Variants in BCKDHA observed in about 807,000 individuals in gnomAD.
BCKDHA encodes branched chain keto acid dehydrogenase E1 subunit alpha.
BCKDHA carries 43 observed loss-of-function variants against 52.2 expected under a neutral mutation model. The ratio of observed to expected loss-of-function variants is 0.82; its 90% CI spans 0.64 to 1.06. BCKDHA has a LOEUF of 1.06. Among genes scored for constraint, BCKDHA ranks in the 50% least tolerant of loss-of-function variants. The probability of loss-of-function intolerance (pLI) is 0.00; values close to 1 mark genes in which losing one functional copy is unlikely to be tolerated. For synonymous variants in BCKDHA, 234 were observed against 247.9 expected, an observed-to-expected ratio of 0.94 and a Z score of 0.53; for missense variants, 527 against 621.3, an observed-to-expected ratio of 0.85 and a Z score of 1.61.
intron 3 of BCKDHA, among the ~76,000 whole-genome samples, chr19:41,411,687 T>G (rs908933160): frequency 2.6e-5 from 4 of 152,146 alleles, no homozygotes; most frequent in Non-Finnish European, 5.9e-5. Context: ...AATAATACTT[T>G]AGTCCCGGCA....
chr19:41,411,123 C>T, intron 3 of BCKDHA, 114 bp downstream of exon 3: 2 of 1,196,558 alleles, frequency 1.7e-6, no homozygotes, highest in Non-Finnish European at 2.4e-6. Flanking sequence ...GGGGGGGTTC[C>T]ATAGAGTTCT....
rs1176841633 is a variant in BCKDHA at position 41,413,914 on chromosome 19, T to C, written c.376-135T>C. The C allele has an allele frequency of 9.1e-6, 7 of 772,482 alleles. No individual in the cohort carries two copies. In the Admixed American group the frequency reaches 9.6e-5, roughly 11 times the overall value. 47.9% of individuals were successfully genotyped at this position (772,482 alleles called of 1,614,324 possible). ...CTTCTTAAAGGCAGGAACCCCAGCA[T>C]GGCCTGGCCCAGGACTGGCCTTCAG... On this transcript the variant is annotated intron_variant, in intron 3 of 8. Transcript: ENST00000269980.
At chr19:41,412,085 G>A (rs2039260071) in intron 3 of BCKDHA, among the ~76,000 whole-genome samples, 1 of 152,138 alleles carries the variant, frequency 6.6e-6, no homozygotes, top group African/African-American at 2.4e-5. Flanking sequence ...ACATGGCCCT[G>A]TGTGATCTCA....
chr19:41,422,447 C>T, intron 6 of BCKDHA, 77 bp downstream of exon 6: 1 of 1,587,468 alleles, frequency 6.3e-7, no homozygotes, highest in South Asian at 1.1e-5. Context: ...CTTCCTGCCA[C>T]CCCTACCCTC....
chr19:41,401,927 G>A (rs545443004), intron 1 of BCKDHA, among the ~76,000 whole-genome samples: 3 of 152,246 alleles, frequency 2.0e-5, no homozygotes, highest in South Asian at 2.1e-4. Flanking sequence ...GTATTAGTCC[G>A]TTTTCAGGCT....
intron 7 of BCKDHA, 107 bp downstream of exon 7, chr19:41,422,877 G>GC: frequency 1.3e-6 from 2 of 1,587,648 alleles, no homozygotes; most frequent in Non-Finnish European, 1.7e-6. Context: ...ACCTGATGTT[G>GC]CATCTCCCCC....
intron 6 of BCKDHA, 121 bp from the exon 7 acceptor site, chr19:41,422,508 C>T: frequency 6.3e-7 from 1 of 1,575,870 alleles, no homozygotes; most frequent in East Asian, 2.2e-5. Flanking sequence ...TGGTCAGCCA[C>T]AGGAGTTGAG....
intron 4 of BCKDHA, chr19:41,418,740 A>G (rs2039332877): frequency 6.7e-6 from 3 of 444,486 alleles, no homozygotes; most frequent in African/African-American, 2.1e-5. Flanking sequence ...AGGCCTCACC[A>G]TGTTGCTCAG....
At chr19:41,400,240 ATTTTTTT>A (rs1234919689) in intron 1 of BCKDHA, 2 of 134,548 alleles carry the variant, frequency 1.5e-5, no homozygotes, top group Non-Finnish European at 3.2e-5. Context: ...CTAATTTTTA[ATTTTTTT>A]TTTTTTTTTT....
intron 1 of BCKDHA, among the ~76,000 whole-genome samples, chr19:41,400,527 A>G (rs2039127189): frequency 1.3e-5 from 2 of 150,146 alleles, no homozygotes; most frequent in Non-Finnish European, 3.0e-5. Context: ...GGCATAAGCC[A>G]CTGTGCCTGG....
chr19:41,421,805 GGCTAGTA>G (rs976404928), intron 5 of BCKDHA, among the ~76,000 whole-genome samples: 2 of 152,112 alleles, frequency 1.3e-5, no homozygotes, highest in African/African-American at 4.8e-5. Context: ...GTGTGTGAAG[GGCTAGTA>G]AGGAGGCTGC....
At chr19:41,402,811 T>G (rs1238238245) in intron 1 of BCKDHA, among the ~76,000 whole-genome samples, 1 of 152,158 alleles carries the variant, frequency 6.6e-6, no homozygotes, top group African/African-American at 2.4e-5. Context: ...CGGCTAATTT[T>G]TATATTTTTA....
Position 41,419,197 on chromosome 19 carries a change from A to G in BCKDHA, c.547A>G (p.Ser183Gly). The change falls in exon 5 of 9, where the codon AGT becomes GGT. Residue 183 changes from serine (S) to glycine (G), a missense_variant. By Grantham distance (56) the Ser-to-Gly change is moderately conservative (BLOSUM62 0). Coordinates refer to ENST00000269980, the MANE Select transcript of BCKDHA (RefSeq NM_000709.4). ...CATGGCCCAGTGCTATGGCAACATC[A>G]GTGACTTGGGCAAGGGGCGCCAGAT... ...LFMAQCYGNISDLGKGRQMPV... is the reference protein window; with the variant it reads ...LFMAQCYGNIGDLGKGRQMPV... 1.2e-6 allele frequency: 2 copies of G among 1,614,198 alleles called. No homozygotes were observed. The highest frequency in any genetic ancestry group is 2.2e-5 in the South Asian group (2 of 91,088).
intron 1 of BCKDHA, among the ~76,000 whole-genome samples, chr19:41,402,043 A>T (rs10408639): frequency 6.6e-6 from 1 of 152,184 alleles, no homozygotes; most frequent in Non-Finnish European, 1.5e-5. Context: ...GGCGGAAGGC[A>T]AATGAGGAGC....
At chr19:41,406,386 TG>T (rs2039193439) in intron 1 of BCKDHA, among the ~76,000 whole-genome samples, 1 of 152,072 alleles carries the variant, frequency 6.6e-6, no homozygotes, top group Non-Finnish European at 1.5e-5. Context: ...GAGTATCTGC[TG>T]GGGCCACAGT....
Position 41,410,782 on chromosome 19 carries a change from A to G in BCKDHA, c.254A>G (p.Gln85Arg), listed in dbSNP as rs2039243741. 6.2e-7 allele frequency: 1 copy of G among 1,614,002 alleles called. No homozygotes were observed. The highest frequency in any genetic ancestry group is 8.5e-7 in the Non-Finnish European group (1 of 1,180,030). Residue 85 changes from glutamine to arginine, a missense_variant, in exon 2 of 9, where the codon CAA becomes CGA. Coordinates refer to ENST00000269980, the MANE Select transcript of BCKDHA (RefSeq NM_000709.4). ...CCCATCTACCGCGTCATGGACCGGC[A>G]AGGCCAGATCATCAACCCCAGCGAG... Reference protein sequence around the residue: ...GIPIYRVMDRQGQIINPSEDP... With the variant: ...GIPIYRVMDRRGQIINPSEDP...
chr19:41,419,889 T>C (rs1468678901), intron 5 of BCKDHA, among the ~76,000 whole-genome samples: 1 of 151,820 alleles, frequency 6.6e-6, no homozygotes, highest in Non-Finnish European at 1.5e-5. Flanking sequence ...TGCCTTAGCC[T>C]CCTGAGTAGC....
chr19:41,424,347 A>G, intron 8 of BCKDHA, 91 bp from the exon 9 acceptor site: 9 of 1,405,268 alleles, frequency 6.4e-6, no homozygotes, highest in Non-Finnish European at 9.0e-6. Context: ...AAAGGCTTGG[A>G]GTGGTTAATT....
At chr19:41,423,887 G>A (rs917783333) in intron 8 of BCKDHA, among the ~76,000 whole-genome samples, 1 of 151,658 alleles carries the variant, frequency 6.6e-6, no homozygotes, top group African/African-American at 2.4e-5. Flanking sequence ...CAGCTACTCA[G>A]GAAGGTGAGG....
Sources: allele counts gnomAD v4.1 joint callset (sites outside exome capture counted in the v4.1 genomes callset), GRCh38; gene constraint gnomAD v4.1.1; transcripts MANE v1.5; gene names NCBI Gene and HGNC (gene_info 2026-07-23, HGNC 2026-07-21).